Variants in DNAH8 observed in about 807,000 individuals in gnomAD.
DNAH8 encodes axonemal beta dynein heavy chain 8.
A neutral mutation model predicts 562.1 loss-of-function variants in DNAH8; 382 were observed. That is an observed-to-expected ratio of 0.68 (90% CI 0.63 to 0.74). DNAH8 has a LOEUF of 0.74. DNAH8 is among the 30% of genes least tolerant of loss of function. DNAH8 has a pLI of 0.00. For missense variants in DNAH8, 5,203 were observed against 5,620.4 expected, an observed-to-expected ratio of 0.93 and a Z score of 2.37; for synonymous variants, 1,881 against 1,919.4, an observed-to-expected ratio of 0.98 and a Z score of 0.52.
In DNAH8 at chr6:38,874,253, T is replaced by C. The variant is rs1299814486; in HGVS notation, c.7620+877T>C. Among the ~76,000 whole-genome samples the C allele has an allele frequency of 2.4e-4, 4 of 16,574 alleles. 1 individual carries two copies. The highest frequency in any genetic ancestry group is 7.4e-3 in the East Asian group (2 of 270). 10.9% of individuals were successfully genotyped at this position (16,574 alleles called of 152,430 possible). On this transcript the variant is annotated intron_variant, in intron 52 of 92. Transcript: ENST00000327475. Reference sequence around the variant, plus strand: ...CTTTCTCCCCTCCCTCCCCTTCCCTTCCCTTCCCTTCCCTCCCCTTCCCTC... The same window carrying C: ...CTTTCTCCCCTCCCTCCCCTTCCCTCCCCTTCCCTTCCCTCCCCTTCCCTC...
Position 38,938,564 on chromosome 6 carries a change from A to G in DNAH8, c.11817-234A>G, listed in dbSNP as rs182427522. Reference sequence around the variant, plus strand: ...ATGATACCACATGGACACATAGAGGAGAACAACAGACACTGTGACCTGTCA... The same window carrying G: ...ATGATACCACATGGACACATAGAGGGGAACAACAGACACTGTGACCTGTCA... On this transcript the variant is annotated intron_variant, in intron 78 of 92. Coordinates refer to ENST00000327475, the MANE Select transcript of DNAH8 (RefSeq NM_001206927.2). Among the ~76,000 whole-genome samples the G allele has an allele frequency of 1.5e-3, 221 of 152,284 alleles. 1 individual carries two copies. Among genetic ancestry groups the G allele is most frequent in the African/African-American group, 5.1e-3 (212 of 41,570 alleles).
intron 33 of DNAH8, 114 bp from the exon 34 acceptor site, chr6:38,842,254 A>G (rs1298338168): frequency 3.7e-6 from 3 of 816,978 alleles, no homozygotes; most frequent in Non-Finnish European, 5.7e-6. Flanking sequence ...GGTATCTATA[A>G]GACATTGTAC....
chr6:38,971,258 C>G (rs1402641152), intron 82 of DNAH8, among the ~76,000 whole-genome samples: 3 of 152,154 alleles, frequency 2.0e-5, no homozygotes, highest in African/African-American at 7.2e-5. Flanking sequence ...CCTACAAATA[C>G]CTGTGATAGC....
chr6:38,830,467 T>C (rs1333336659), intron 30 of DNAH8, among the ~76,000 whole-genome samples: 3 of 151,634 alleles, frequency 2.0e-5, no homozygotes, highest in Admixed American at 1.3e-4. Flanking sequence ...ACCCTGCCTC[T>C]ACTAAAATTA....
chr6:38,889,080 C>T (rs1779159508), intron 57 of DNAH8, among the ~76,000 whole-genome samples: 1 of 152,172 alleles, frequency 6.6e-6, no homozygotes, highest in African/African-American at 2.4e-5. Flanking sequence ...TACAAAAATG[C>T]TCATAGTGCA....
intron 7 of DNAH8, among the ~76,000 whole-genome samples, chr6:38,741,472 A>C (rs865947483): frequency 6.6e-6 from 1 of 151,970 alleles, no homozygotes; most frequent in East Asian, 1.9e-4. Context: ...CAAAAAAAAA[A>C]ACCCAAAATA....
chr6:38,919,276 T>C (rs1160368388), intron 70 of DNAH8, among the ~76,000 whole-genome samples: 1 of 152,236 alleles, frequency 6.6e-6, no homozygotes, highest in Non-Finnish European at 1.5e-5. Flanking sequence ...AATTTGAGAT[T>C]GTGATACATG....
chr6:38,775,130 T>A (rs1767938552), intron 12 of DNAH8, among the ~76,000 whole-genome samples: 2 of 152,178 alleles, frequency 1.3e-5, no homozygotes, highest in Admixed American at 1.3e-4. Flanking sequence ...AAAGCAGAAG[T>A]CAAAATGGGG....
At chr6:38,984,361 A>T (rs756290627) in intron 87 of DNAH8, 54 bp downstream of exon 87, 10 of 1,229,008 alleles carry the variant, frequency 8.1e-6, no homozygotes, top group African/African-American at 1.5e-5. Flanking sequence ...GTATTTTCCA[A>T]TTTTTTTGTT....
At chr6:38,782,784 C>A (rs562586520) in intron 16 of DNAH8, among the ~76,000 whole-genome samples, 1 of 152,076 alleles carries the variant, frequency 6.6e-6, no homozygotes. Flanking sequence ...CTTTCTAAAC[C>A]CTTTGTTTCC....
At chr6:38,870,704 C>A in intron 49 of DNAH8, 142 bp downstream of exon 49, 2 of 859,320 alleles carry the variant, frequency 2.3e-6, no homozygotes, top group Non-Finnish European at 3.5e-6. Context: ...AAAAAGAATA[C>A]TTGGAAGGAT....
chr6:38,875,726 A>G lies in DNAH8; in HGVS notation c.7756A>G (p.Lys2586Glu). The change falls in exon 53 of 93, where the codon AAG (lysine) becomes GAG (glutamate). Residue 2586 changes from lysine to glutamate, a missense_variant. Coordinates refer to ENST00000327475, the MANE Select transcript of DNAH8 (RefSeq NM_001206927.2). Reference protein sequence around the residue: ...GALLELESREKLEAFLRQHES... With the variant: ...GALLELESREELEAFLRQHES... ...CCTTCTGGAATTAGAAAGCAGAGAA[A>G]AGCTTGAAGCCTTCTTACGGCAGCA... The G allele has an allele frequency of 6.2e-7, 1 of 1,614,010 alleles. No homozygotes were observed.
At chr6:38,981,536 G>C (rs1005096431) in intron 85 of DNAH8, among the ~76,000 whole-genome samples, 1 of 152,184 alleles carries the variant, frequency 6.6e-6, no homozygotes, top group African/African-American at 2.4e-5. Context: ...AGACAGACAC[G>C]TCATGTATAC....
intron 62 of DNAH8, among the ~76,000 whole-genome samples, chr6:38,904,065 A>G (rs1029002835): frequency 6.6e-6 from 1 of 152,200 alleles, no homozygotes; most frequent in Admixed American, 6.5e-5. Context: ...AGAATGGGCC[A>G]CTGTAATCTT....
chr6:38,896,026 C>T lies in DNAH8; in HGVS notation c.8748-7C>T. On this transcript the variant is annotated splice_polypyrimidine_tract_variant and splice_region_variant and intron_variant, in intron 59 of 92. Coordinates refer to ENST00000327475, the MANE Select transcript of DNAH8 (RefSeq NM_001206927.2). ...TTAACATTCTTACTACTACATTTTCCTTTCAGATTTATAACTCCTGAAGAT... is the reference window on the plus strand; with the variant it reads ...TTAACATTCTTACTACTACATTTTCTTTTCAGATTTATAACTCCTGAAGAT... The T allele has an allele frequency of 6.2e-7, 1 of 1,607,198 alleles. No homozygotes were observed.
At chr6:38,881,459 A>G (rs1778472044) in intron 53 of DNAH8, among the ~76,000 whole-genome samples, 1 of 152,194 alleles carries the variant, frequency 6.6e-6, no homozygotes. Flanking sequence ...ACGCCAATAC[A>G]AGTTTGCCTA....
intron 87 of DNAH8, 144 bp downstream of exon 87, chr6:38,984,451 TACACAC>T: frequency 3.2e-6 from 2 of 626,396 alleles, no homozygotes; most frequent in Non-Finnish European, 5.8e-6. Context: ...TGTGTGCGCT[TACACAC>T]ACGCACACAC....
At chr6:38,979,895 C>T (rs2150708225) in intron 85 of DNAH8, among the ~76,000 whole-genome samples, 1 of 152,260 alleles carries the variant, frequency 6.6e-6, no homozygotes, top group East Asian at 1.9e-4. Flanking sequence ...AATTCTGATC[C>T]TCTTTTTCAA....
Position 38,772,971 on chromosome 6 carries a change from C to CTTTTTTTTTTTTTTTTTTTTTT in DNAH8, c.1764+2418_1764+2439dup, listed in dbSNP as rs58784448. Among the ~76,000 whole-genome samples, 39 of 88,084 alleles carry CTTTTTTTTTTTTTTTTTTTTTT rather than the reference C, an allele frequency of 4.4e-4. 4 individuals are homozygous for CTTTTTTTTTTTTTTTTTTTTTT. Among genetic ancestry groups the CTTTTTTTTTTTTTTTTTTTTTT allele is most frequent in the African/African-American group, 7.7e-4 (15 of 19,440 alleles). The allele number at this position is 88,084 out of a possible 152,430, so 57.8% of individuals were successfully genotyped here. ...ATACCACCATGCCTAGCTAATTAAACTTTTTTTTTTTTTTTTTTTTTTTTT... is the reference window on the plus strand; with the variant it reads ...ATACCACCATGCCTAGCTAATTAAACTTTTTTTTTTTTTTTTTTTTTTTTTTTTTTTTTTTTTTTTTTTTTTT... On this transcript the variant is annotated intron_variant, in intron 12 of 92. Transcript: ENST00000327475.
Sources: allele counts gnomAD v4.1 joint callset (sites outside exome capture counted in the v4.1 genomes callset), GRCh38; gene constraint gnomAD v4.1.1; transcripts MANE v1.5; gene names NCBI Gene and HGNC (gene_info 2026-07-23, HGNC 2026-07-21).